The following TTC21B variants were observed in gnomAD, a reference collection of about 807,000 sequenced individuals.
The protein encoded by TTC21B is tetratricopeptide repeat protein 21B.
TTC21B carries 127 observed loss-of-function variants against 175.1 expected under a neutral mutation model. The observed-to-expected ratio is 0.73, with a 90% confidence interval of 0.63 to 0.84. The LOEUF (loss-of-function observed/expected upper bound fraction) is 0.84. Ranked by LOEUF, TTC21B falls within the 40% of genes least tolerant of loss-of-function variation. The probability of loss-of-function intolerance (pLI) is 0.00; values close to 1 mark genes in which losing one functional copy is unlikely to be tolerated. For synonymous variants in TTC21B, 524 were observed against 524.5 expected (o/e 1.00, Z 0.01); for missense variants, 1,561 against 1,558.3 (o/e 1.00, Z -0.03).
chr2:165,927,116 GTAGAT>G (rs1686678482), intron 11 of TTC21B, among the ~76,000 whole-genome samples: 1 of 21,910 alleles, frequency 4.6e-5, no homozygotes, highest in Non-Finnish European at 7.6e-5. Flanking sequence ...ATATATCCTA[GTAGAT>G]ATATATATAT....
At position 165,949,632 on chromosome 2, in the gene TTC21B, G is replaced by A. The variant is rs34486024; in HGVS notation, c.114C>T (p.Val38=). ...TGCCATAGGCATGATAAAACCTGAAGACTGGATCACTTCCATACCTCTTAA... is the reference window on the plus strand; with the variant it reads ...TGCCATAGGCATGATAAAACCTGAAAACTGGATCACTTCCATACCTCTTAA... The part of the protein sequence containing the change: ...EGIKRYGSDP[V]FRFYHAYGTL... The change falls in exon 2 of 29, where the codon GTC becomes GTT. Residue 38 remains valine, a synonymous_variant. Coordinates refer to ENST00000243344, the MANE Select transcript of TTC21B (RefSeq NM_024753.5). 16 of 1,613,480 alleles carry A rather than the reference G, an allele frequency of 9.9e-6. No homozygotes were observed. Among genetic ancestry groups the A allele is most frequent in the Non-Finnish European group, 1.3e-5 (15 of 1,179,866 alleles).
chr2:165,935,151 C>T (rs1687082620), intron 6 of TTC21B, among the ~76,000 whole-genome samples: 1 of 152,196 alleles, frequency 6.6e-6, no homozygotes, highest in Non-Finnish European at 1.5e-5. Flanking sequence ...CCGTTAAAAA[C>T]AGTGTGGAGC....
Position 165,933,033 on chromosome 2 carries a change from A to G in TTC21B, c.735T>C (p.Asn245=). 1 of 1,612,844 alleles carries G rather than the reference A, an allele frequency of 6.2e-7. No homozygotes were observed. Among genetic ancestry groups the G allele is most frequent in the Non-Finnish European group, 8.5e-7 (1 of 1,179,450 alleles). Reference sequence around the variant, plus strand: ...GTGCCTGCATTCTCAGTGCTTCCACATTTTGGCTATCTTGGAGCAGCAACC... The same window carrying G: ...GTGCCTGCATTCTCAGTGCTTCCACGTTTTGGCTATCTTGGAGCAGCAACC... ...AQRLLLQDSQ[N]VEALRMQALY... The change falls in exon 7 of 29, where the codon AAT becomes AAC. Residue 245 remains asparagine, a synonymous_variant. Coordinates refer to ENST00000243344, the MANE Select transcript of TTC21B (RefSeq NM_024753.5).
chr2:165,949,725 C>T lies in TTC21B; in HGVS notation c.22-1G>A. 6.2e-7 allele frequency: 1 copy of T among 1,609,628 alleles called. No individual in the cohort carries two copies. Among genetic ancestry groups the T allele is most frequent in the South Asian group, 1.1e-5 (1 of 90,962 alleles). ...CTTGACAATAGTAATTAATCAAAGT[C>T]TAAATGGAAATAATGAAAAAATGTT... On this transcript the variant is annotated splice_acceptor_variant, in intron 1 of 28. Transcript: ENST00000243344. LOFTEE classifies it high-confidence loss of function.
In TTC21B at chr2:165,945,662, G is replaced by T. The variant is rs1687531560; in HGVS notation, c.291C>A (p.Ala97=). The T allele has an allele frequency of 1.2e-6, 2 of 1,613,380 alleles. No homozygotes were observed. Among genetic ancestry groups the T allele is most frequent in the Non-Finnish European group, 1.7e-6 (2 of 1,179,874 alleles). ...CTCCTTTACGTTGTTCCTTCACTCT[G>T]GCATCTGATTCCAGAATAGCTTCTC... ...PDREAILESD[A]RVKEQRKGAG... Residue 97 remains alanine, a synonymous_variant, in exon 4 of 29, where the codon GCC becomes GCA. Transcript: ENST00000243344.
intron 25 of TTC21B, among the ~76,000 whole-genome samples, chr2:165,885,210 A>G (rs1684964844): frequency 1.3e-5 from 2 of 152,204 alleles, no homozygotes; most frequent in Non-Finnish European, 2.9e-5. Context: ...TACCATTACT[A>G]TAATAAAAGT....
chr2:165,952,144 G>C (rs1359552080), intron 1 of TTC21B, among the ~76,000 whole-genome samples: 2 of 152,208 alleles, frequency 1.3e-5, no homozygotes, highest in African/African-American at 4.8e-5. Context: ...CCATACTCTA[G>C]AGCAGGGTTT....
At position 165,883,988 on chromosome 2, in the gene TTC21B, C is replaced by T. The variant is rs374018043; in HGVS notation, c.3490G>A (p.Ala1164Thr). 12 of 1,614,058 alleles carry T rather than the reference C, an allele frequency of 7.4e-6. No individual in the cohort carries two copies. Among genetic ancestry groups the T allele is most frequent in the Non-Finnish European group, 1.0e-5 (12 of 1,179,982 alleles). Residue 1164 changes from alanine (A) to threonine (T), a missense_variant, in exon 26 of 29, where the codon GCA becomes ACA. By Grantham distance (58) the Ala-to-Thr change is moderately conservative (BLOSUM62 0). Transcript: ENST00000243344. ...KEHIPALLGM[A>T]TAYMILKQTP... ...TGTTTCAAGATCATATAAGCCGTTG[C>T]CATTCCCAAGAGCGCTGGGATATGC...
chr2:165,913,552 T>C, intron 16 of TTC21B, 22 bp downstream of exon 16: 15 of 1,546,166 alleles, frequency 9.7e-6, no homozygotes, highest in Non-Finnish European at 1.3e-5. Flanking sequence ...AAAATGCAGT[T>C]CAGTAACATC....
At chr2:165,913,913 T>C (rs184291846) in intron 15 of TTC21B, among the ~76,000 whole-genome samples, 1 of 152,194 alleles carries the variant, frequency 6.6e-6, no homozygotes, top group Non-Finnish European at 1.5e-5. Context: ...ATCTAGGTTC[T>C]CCTTATTTGG....
At chr2:165,951,299 CCTT>C (rs1431181228) in intron 1 of TTC21B, among the ~76,000 whole-genome samples, 3 of 152,288 alleles carry the variant, frequency 2.0e-5, no homozygotes, top group Non-Finnish European at 1.5e-5. Context: ...AATCTCTGGT[CCTT>C]CTTACAACGC....
intron 22 of TTC21B, among the ~76,000 whole-genome samples, chr2:165,894,252 TGA>T (rs1347059315): frequency 1.3e-5 from 2 of 152,222 alleles, no homozygotes; most frequent in Non-Finnish European, 2.9e-5. Context: ...CTGGAGATTC[TGA>T]GAGAGAAAAG....
At chr2:165,879,279 T>C (rs1032889603) in intron 27 of TTC21B, among the ~76,000 whole-genome samples, 3 of 152,238 alleles carry the variant, frequency 2.0e-5, no homozygotes, top group Non-Finnish European at 4.4e-5. Flanking sequence ...ATTCCTTCTA[T>C]GGAATAAAGT....
chr2:165,952,366 A>AT (rs10647189), intron 1 of TTC21B, among the ~76,000 whole-genome samples: 12 of 152,134 alleles, frequency 7.9e-5, no homozygotes, highest in African/African-American at 2.9e-4. Flanking sequence ...GTTTTGAACA[A>AT]GCCAATTAGA....
intron 10 of TTC21B, 108 bp downstream of exon 10, chr2:165,929,542 T>TA: frequency 2.3e-6 from 2 of 885,974 alleles, no homozygotes; most frequent in Non-Finnish European, 3.6e-6. Flanking sequence ...ATATTAAAAT[T>TA]AGTGTACACT....
At chr2:165,913,704 T>C in intron 15 of TTC21B, 58 bp from the exon 16 acceptor site, 2 of 1,376,568 alleles carry the variant, frequency 1.5e-6, no homozygotes, top group Admixed American at 1.7e-5. Context: ...CTTCCAAAAA[T>C]AAAATAAAAT....
At chr2:165,919,216 G>T in intron 13 of TTC21B, 60 bp downstream of exon 13, 1 of 1,581,534 alleles carries the variant, frequency 6.3e-7, no homozygotes, top group Non-Finnish European at 8.7e-7. Context: ...CAAAATACTT[G>T]AATATGTAAG....
chr2:165,934,192 C>T (rs1307622663), intron 6 of TTC21B: 1 of 151,996 alleles, frequency 6.6e-6, no homozygotes, highest in South Asian at 2.1e-4. Context: ...TTTTTCCCCA[C>T]ATATGACTAC....
chr2:165,893,180 T>C (rs952151767), intron 22 of TTC21B, among the ~76,000 whole-genome samples: 1 of 152,208 alleles, frequency 6.6e-6, no homozygotes, highest in African/African-American at 2.4e-5. Flanking sequence ...AGGATTATAA[T>C]ATTGACTGTA....
Sources: gnomAD v4.1 joint callset for allele counts (sites outside exome capture counted in the v4.1 genomes callset) on GRCh38, gnomAD v4.1.1 for gene constraint, MANE v1.5 for transcripts, NCBI Gene and HGNC (gene_info 2026-07-23, HGNC 2026-07-21) for gene names.